Variants in FBXO34 observed in about 807,000 individuals in gnomAD.
The protein encoded by FBXO34 is F-box only protein 34.
In FBXO34, 12 loss-of-function variants were observed where a neutral mutation model predicts 24.5. The ratio of observed to expected loss-of-function variants is 0.49; its 90% CI spans 0.31 to 0.79. The LOEUF (loss-of-function observed/expected upper bound fraction) is 0.79, where lower values mean the gene tolerates loss of function less well. Ranked by LOEUF, FBXO34 falls within the 30% of genes least tolerant of loss-of-function variation. The pLI, the probability that FBXO34 is intolerant of heterozygous loss-of-function variation, is 0.04. For synonymous variants in FBXO34, 320 were observed against 311.9 expected, an observed-to-expected ratio of 1.03 and a Z score of -0.27; for missense variants, 823 against 857.7, an observed-to-expected ratio of 0.96 and a Z score of 0.51.
chr14:55,390,173 C>T, the FBXO34 span, among the ~76,000 whole-genome samples: 16 of 152,254 alleles, frequency 1.1e-4, no homozygotes, highest in South Asian at 3.3e-3. Context: ...CAGGTTCAAG[C>T]AAGTCTCCTG....
At chr14:55,383,429 T>C in the FBXO34 span, among the ~76,000 whole-genome samples, 4,385 of 152,104 alleles carry the variant, frequency 0.029, 87 homozygotes, top group Middle Eastern at 0.068. Flanking sequence ...TGGGTGCCTG[T>C]AATCCCAGCT....
Position 55,340,841 on chromosome 14 carries a change from GAA to G in FBXO34, c.-10-9539_-10-9538del. Among the ~76,000 whole-genome samples, 2 of 152,142 alleles carry G rather than the reference GAA, an allele frequency of 1.3e-5. 1 individual carries two copies. Among genetic ancestry groups the G allele is most frequent in the South Asian group, 4.1e-4 (2 of 4,826 alleles). ...GATTCAAGGCTAGCCTTGGAATCTT[GAA>G]TATTATCCCTTAAGAGAGAGCCTTT... On this transcript the variant is annotated intron_variant, in intron 1 of 1. Transcript: ENST00000313833.
the FBXO34 span, chr14:55,382,003 T>G: frequency 8.7e-6 from 14 of 1,614,224 alleles, no homozygotes; most frequent in Non-Finnish European, 1.2e-5. Flanking sequence ...CCAGCTGTAG[T>G]AGGCAGAGTA....
chr14:55,388,733 C>T, the FBXO34 span, among the ~76,000 whole-genome samples: 2 of 152,134 alleles, frequency 1.3e-5, no homozygotes, highest in Admixed American at 6.6e-5. Context: ...AGTTTCTGGC[C>T]TCTAAAATTG....
At chr14:55,433,448 T>C in the FBXO34 span, among the ~76,000 whole-genome samples, 1 of 151,912 alleles carries the variant, frequency 6.6e-6, no homozygotes, top group African/African-American at 2.4e-5. Context: ...CCACCATGCC[T>C]GGCCCAAGTC....
intron 1 of FBXO34, among the ~76,000 whole-genome samples, chr14:55,309,101 A>C (rs532025035): frequency 3.9e-5 from 6 of 152,024 alleles, no homozygotes; most frequent in Admixed American, 1.3e-4. Flanking sequence ...TTTTGAAACT[A>C]TTTTAACTGT....
At chr14:55,438,823 C>T in the FBXO34 span, 2 of 149,166 alleles carry the variant, frequency 1.3e-5, no homozygotes, top group Admixed American at 1.4e-4. Context: ...TGTCTGGGCT[C>T]TTCTTTGCTG....
Position 55,353,583 on chromosome 14 carries a change from T to C in FBXO34, c.*1057T>C, listed in dbSNP as rs1594769761. Reference sequence around the variant, plus strand: ...GTCTGGTTACAAAATTTTTTAAAACTTAAATAAAAACATGCATCTTAAATG... The same window carrying C: ...GTCTGGTTACAAAATTTTTTAAAACCTAAATAAAAACATGCATCTTAAATG... On this transcript the variant is annotated 3_prime_UTR_variant, in exon 2 of 2. Coordinates refer to ENST00000313833, the MANE Select transcript of FBXO34 (RefSeq NM_017943.4). 2 of 167,130 alleles carry C rather than the reference T, an allele frequency of 1.2e-5. No homozygotes were observed. The highest frequency in any genetic ancestry group is 4.1e-4 in the South Asian group (2 of 4,838). The allele number at this position is 167,130 out of a possible 1,614,324, so 10.4% of individuals were successfully genotyped here. A position where few individuals can be genotyped will look rare whatever the true frequency, so the allele number is the denominator to read the frequency against.
chr14:55,301,003 G>A lies in FBXO34; in HGVS notation c.-11+29466G>A, dbSNP rs184417183. On this transcript the variant is annotated intron_variant, in intron 1 of 1. Coordinates refer to ENST00000313833, the MANE Select transcript of FBXO34 (RefSeq NM_017943.4). ...ACATGGTGCCAGTCACTAAGGTGTGGTGTTTTCTTTTTGGTAAAGGAGAAT... is the reference window on the plus strand; with the variant it reads ...ACATGGTGCCAGTCACTAAGGTGTGATGTTTTCTTTTTGGTAAAGGAGAAT... Among the ~76,000 whole-genome samples the A allele has an allele frequency of 2.6e-3, 400 of 152,310 alleles. 2 individuals are homozygous for A. The highest frequency in any genetic ancestry group is 7.8e-3 in the African/African-American group (324 of 41,570).
At chr14:55,324,230 C>A (rs941578816) in intron 1 of FBXO34, among the ~76,000 whole-genome samples, 36 of 152,156 alleles carry the variant, frequency 2.4e-4, no homozygotes, top group African/African-American at 8.7e-4. Context: ...AGCATGATGT[C>A]TTCAAGGTTT....
At chr14:55,324,675 T>G (rs1388795433) in intron 1 of FBXO34, among the ~76,000 whole-genome samples, 1 of 152,182 alleles carries the variant, frequency 6.6e-6, no homozygotes, top group Non-Finnish European at 1.5e-5. Context: ...AGGACTGTTT[T>G]TAATATTTTG....
chr14:55,279,265 G>A (rs571893853), intron 1 of FBXO34, among the ~76,000 whole-genome samples: 82 of 142,612 alleles, frequency 5.7e-4, no homozygotes, highest in Non-Finnish European at 1.0e-3. Flanking sequence ...CAGCCTGGGC[G>A]ACATAAGCGA....
intron 1 of FBXO34, among the ~76,000 whole-genome samples, chr14:55,331,305 A>G (rs761405435): frequency 3.3e-5 from 5 of 152,012 alleles, no homozygotes; most frequent in African/African-American, 7.2e-5. Flanking sequence ...GGCTTTTCCT[A>G]TGCCACTCTC....
chr14:55,431,867 G>T, the FBXO34 span, among the ~76,000 whole-genome samples: 7 of 152,162 alleles, frequency 4.6e-5, no homozygotes, highest in African/African-American at 1.7e-4. Context: ...TCTGACTAGT[G>T]GCTATATCAT....
the FBXO34 span, among the ~76,000 whole-genome samples, chr14:55,439,617 C>CCG: frequency 2.1e-4 from 15 of 72,700 alleles, 3 homozygotes; most frequent in East Asian, 5.7e-4. Context: ...AAAGCAAACC[C>CCG]CCCCCCGTCT....
chr14:55,430,794 C>G, the FBXO34 span, among the ~76,000 whole-genome samples: 3 of 152,340 alleles, frequency 2.0e-5, 1 homozygote, highest in African/African-American at 7.2e-5. Flanking sequence ...ATGTCCTTAG[C>G]AAGGCCATGT....
At chr14:55,391,147 A>G in the FBXO34 span, 1 of 555,680 alleles carries the variant, frequency 1.8e-6, no homozygotes, top group Non-Finnish European at 3.1e-6. Flanking sequence ...AACATTACGA[A>G]AAAGAGAACG....
At chr14:55,384,018 C>T in the FBXO34 span, among the ~76,000 whole-genome samples, 8,871 of 152,258 alleles carry the variant, frequency 0.058, 326 homozygotes, top group South Asian at 0.09. Flanking sequence ...CCACAACATA[C>T]GTATAAGATA....
the FBXO34 span, among the ~76,000 whole-genome samples, chr14:55,396,839 C>T: frequency 2.0e-5 from 3 of 152,212 alleles, no homozygotes; most frequent in African/African-American, 7.2e-5. Context: ...CTCAGATTCC[C>T]ACCATTCCCC....
Sources: allele counts gnomAD v4.1 joint callset (sites outside exome capture counted in the v4.1 genomes callset), GRCh38; gene constraint gnomAD v4.1.1; transcripts MANE v1.5; gene names NCBI Gene and HGNC (gene_info 2026-07-23, HGNC 2026-07-21).